The following PCSK5 variants were observed in gnomAD, a reference collection of about 807,000 sequenced individuals.
PCSK5 encodes prohormone convertase 5.
PCSK5 carries 129 observed loss-of-function variants against 233.2 expected under a neutral mutation model. The observed-to-expected ratio is 0.55, with a 90% confidence interval of 0.48 to 0.64. The LOEUF (loss-of-function observed/expected upper bound fraction) is 0.64, where lower values mean the gene tolerates loss of function less well. PCSK5 is among the 30% of genes least tolerant of loss of function. The pLI is 0.00. For synonymous variants in PCSK5, 825 were observed against 879.2 expected, an observed-to-expected ratio of 0.94 and a Z score of 1.09; for missense variants, 2,076 against 2,430.1, an observed-to-expected ratio of 0.85 and a Z score of 3.06.
chr9:76,011,740 G>T lies in PCSK5; in HGVS notation c.412-11998G>T, dbSNP rs1587495573. 2.0e-5 allele frequency among the ~76,000 whole-genome samples: 3 copies of T among 152,220 alleles called. No homozygotes were observed. The South Asian group carries it at 6.2e-4, about 32-fold the overall frequency. ...GTTTTTAAATTTTAAATGACAATAGGTTGGGAACCTCAATTTTGCTCTGAT... is the reference window on the plus strand; with the variant it reads ...GTTTTTAAATTTTAAATGACAATAGTTTGGGAACCTCAATTTTGCTCTGAT... On this transcript the variant is annotated intron_variant, in intron 3 of 37. Transcript: ENST00000674117.
intron 9 of PCSK5, among the ~76,000 whole-genome samples, chr9:76,112,711 T>A (rs188840384): frequency 7.2e-5 from 11 of 152,300 alleles, no homozygotes; most frequent in Admixed American, 5.2e-4. Context: ...AATTCAAATA[T>A]GTATAAAATA....
chr9:75,982,622 G>A (rs901535015), intron 2 of PCSK5, among the ~76,000 whole-genome samples: 4 of 152,010 alleles, frequency 2.6e-5, no homozygotes, highest in Admixed American at 2.0e-4. Context: ...CCTATCTTTT[G>A]CTGCTTTTCC....
chr9:76,194,833 C>A, intron 20 of PCSK5: 1 of 438,802 alleles, frequency 2.3e-6, no homozygotes, highest in Non-Finnish European at 4.7e-6. Context: ...GACCAGCCAT[C>A]TTGCAGGCTT....
At chr9:76,181,674 G>C (rs1823879475) in intron 16 of PCSK5, 83 bp downstream of exon 16, 1 of 868,380 alleles carries the variant, frequency 1.2e-6, no homozygotes, top group Non-Finnish European at 1.8e-6. Flanking sequence ...TAGCCTCTTT[G>C]TGAAATCTGG....
At chr9:75,971,780 T>C (rs969453423) in intron 2 of PCSK5, among the ~76,000 whole-genome samples, 16 of 152,104 alleles carry the variant, frequency 1.1e-4, no homozygotes, top group Non-Finnish European at 1.9e-4. Context: ...AATAGGTTTT[T>C]TTTTTTCTTG....
At chr9:76,126,539 G>A (rs1193970860) in intron 9 of PCSK5, among the ~76,000 whole-genome samples, 1 of 152,174 alleles carries the variant, frequency 6.6e-6, no homozygotes, top group Non-Finnish European at 1.5e-5. Flanking sequence ...CTTGAAACCA[G>A]AAGGCAGAGG....
intron 20 of PCSK5, among the ~76,000 whole-genome samples, chr9:76,213,228 C>G (rs968802847): frequency 2.6e-5 from 4 of 152,104 alleles, no homozygotes; most frequent in Non-Finnish European, 5.9e-5. Context: ...TGTAATGACC[C>G]ATGTATAAAA....
chr9:75,941,167 T>C (rs1824286508), intron 2 of PCSK5, among the ~76,000 whole-genome samples: 1 of 152,220 alleles, frequency 6.6e-6, no homozygotes, highest in Admixed American at 6.5e-5. Flanking sequence ...TTTGGCAGGT[T>C]AACGTGCTGC....
chr9:76,219,690 A>G (rs934850387), intron 20 of PCSK5, among the ~76,000 whole-genome samples: 1 of 152,158 alleles, frequency 6.6e-6, no homozygotes, highest in Non-Finnish European at 1.5e-5. Flanking sequence ...AAGCGCTCTC[A>G]GCAGCGGCTT....
At chr9:76,060,305 G>A (rs954291707) in intron 5 of PCSK5, among the ~76,000 whole-genome samples, 1 of 152,080 alleles carries the variant, frequency 6.6e-6, no homozygotes, top group Non-Finnish European at 1.5e-5. Context: ...TGTATATTTT[G>A]TATGTTACAT....
chr9:76,227,709 AAAAGAAGC>A, intron 21 of PCSK5, 104 bp downstream of exon 21: 1 of 715,860 alleles, frequency 1.4e-6, no homozygotes, highest in Non-Finnish European at 2.4e-6. Context: ...CCTGCAGTGA[AAAAGAAGC>A]AAACTCTTTC....
rs148064246 is a variant in PCSK5 at position 76,254,237 on chromosome 9, G to C, written c.3142+13553G>C. Among the ~76,000 whole-genome samples the C allele has an allele frequency of 1.2e-4, 19 of 152,330 alleles. No individual in the cohort carries two copies. The East Asian group carries it at 3.7e-3, about 29-fold the overall frequency. On this transcript the variant is annotated intron_variant, in intron 24 of 37. Coordinates refer to ENST00000674117, the MANE Select transcript of PCSK5 (RefSeq NM_001372043.1). ...GCCTGCAGAAAAGAGAGAAAATAAT[G>C]ATTGTGTGTAATGGTGACAGTCTCA...
In PCSK5 at chr9:76,181,440, C is replaced by G. The variant is rs537387537; in HGVS notation, c.2046C>G (p.Asp682Glu). ...GCCCCCCTGGCCACTACCACGCCGA[C>G]AAGAAGCGCTGCAGGAAGTGTGCCC... is the stretch of plus-strand genomic sequence containing the variant. ...SSCPPGHYHA[D>E]KKRCRKCAPN... The change falls in exon 16 of 38, where the codon GAC becomes GAG. Residue 682 changes from aspartate to glutamate, a missense_variant. By Grantham distance (45) the Asp-to-Glu change is conservative. Transcript: ENST00000674117. 6.2e-7 allele frequency: 1 copy of G among 1,613,944 alleles called. No individual in the cohort carries two copies. The highest frequency in any genetic ancestry group is 1.3e-5 in the African/African-American group (1 of 75,028).
At chr9:76,329,120 C>G (rs1412632462) in intron 33 of PCSK5, among the ~76,000 whole-genome samples, 1 of 150,292 alleles carries the variant, frequency 6.7e-6, no homozygotes, top group Non-Finnish European at 1.5e-5. Context: ...CGCCCGGCCA[C>G]TTTTTTGTTT....
At chr9:76,009,621 G>A (rs753950124) in intron 3 of PCSK5, among the ~76,000 whole-genome samples, 4 of 146,756 alleles carry the variant, frequency 2.7e-5, no homozygotes, top group African/African-American at 7.5e-5. Context: ...GCGAGACTCC[G>A]TCTCAAGGAA....
chr9:76,167,395 T>G (rs986090375), intron 12 of PCSK5, among the ~76,000 whole-genome samples: 1 of 152,248 alleles, frequency 6.6e-6, no homozygotes. Context: ...CTGTGTTTGA[T>G]TCAGCCTTTC....
chr9:75,966,766 A>G (rs898008397), intron 2 of PCSK5, among the ~76,000 whole-genome samples: 1 of 152,222 alleles, frequency 6.6e-6, no homozygotes, highest in Non-Finnish European at 1.5e-5. Flanking sequence ...AGAAAAACAA[A>G]TAAATTAGAT....
intron 30 of PCSK5, among the ~76,000 whole-genome samples, chr9:76,317,758 C>T (rs1005002994): frequency 2.0e-5 from 3 of 152,118 alleles, no homozygotes; most frequent in African/African-American, 4.8e-5. Context: ...AAAATGTGCC[C>T]GATTGAACTT....
At chr9:76,357,565 C>T (rs1830332632) in intron 37 of PCSK5, among the ~76,000 whole-genome samples, 1 of 151,898 alleles carries the variant, frequency 6.6e-6, no homozygotes, top group South Asian at 2.1e-4. Context: ...CCCTATCATT[C>T]AAGTTGATAG....
Sources: allele counts gnomAD v4.1 joint callset (sites outside exome capture counted in the v4.1 genomes callset), GRCh38; gene constraint gnomAD v4.1.1; transcripts MANE v1.5; gene names NCBI Gene and HGNC (gene_info 2026-07-23, HGNC 2026-07-21).